The following SAFB2 variants were observed in gnomAD, a reference collection of about 807,000 sequenced individuals.
SAFB2 encodes scaffold attachment factor B2.
SAFB2 carries 32 observed loss-of-function variants against 100.6 expected under a neutral mutation model. The observed-to-expected ratio is 0.32, with a 90% CI of 0.24 to 0.43. SAFB2 has a LOEUF of 0.43. Ranked by LOEUF, SAFB2 falls within the 20% of genes least tolerant of loss-of-function variation. The probability of loss-of-function intolerance (pLI) is 1.00; values close to 1 mark genes in which losing one functional copy is unlikely to be tolerated. For missense variants in SAFB2, 1,185 were observed against 1,163.4 expected, an observed-to-expected ratio of 1.02 and a Z score of -0.27; for synonymous variants, 500 against 439.4, an observed-to-expected ratio of 1.14 and a Z score of -1.72.
chr19:5,596,743 A>G (rs1254511944), intron 13 of SAFB2, among the ~76,000 whole-genome samples: 2 of 152,120 alleles, frequency 1.3e-5, no homozygotes, highest in Non-Finnish European at 2.9e-5. Flanking sequence ...CTGGCTACAC[A>G]TCAGACCCTC....
At chr19:5,593,726 G>C (rs2052467086) in intron 15 of SAFB2, 165 bp downstream of exon 15, 2 of 683,606 alleles carry the variant, frequency 2.9e-6, no homozygotes, top group Non-Finnish European at 4.5e-6. Flanking sequence ...TAATAAACCT[G>C]CAGCAGCGCA....
At chr19:5,617,149 A>G in intron 2 of SAFB2, among the ~76,000 whole-genome samples, 1 of 152,230 alleles carries the variant, frequency 6.6e-6, no homozygotes, top group South Asian at 2.1e-4. Context: ...AAAAAAATGC[A>G]ATACCCATCT....
rs765971328 is a variant in SAFB2, at chr19:5,587,880, C to T, written c.2626G>A (p.Ala876Thr). 1.2e-6 allele frequency: 2 copies of T among 1,611,022 alleles called. No homozygotes were observed. Among genetic ancestry groups the T allele is most frequent in the South Asian group, 1.1e-5 (1 of 90,554 alleles). ...GCCAGCCCCGTACCTTGCCACCTGG[C>T]GTGCTCCCGGCTAGCCGCGCCTGCG... ...MDAGAASREH[A>T]RWQGGERGLS... The change falls in exon 19 of 21, where the codon GCC (alanine) becomes ACC (threonine). Residue 876 changes from alanine to threonine, a missense_variant. This residue lies in a region of SAFB2 where 740 missense variants were observed against 687.1 expected (regional missense o/e 1.08). Coordinates refer to ENST00000252542, the MANE Select transcript of SAFB2 (RefSeq NM_014649.3). This position sits in a 1 kb window ranked among gnomAD's most constrained non-coding sequence, Gnocchi z 4.9.
chr19:5,603,428 C>G (rs1458651252), intron 11 of SAFB2, among the ~76,000 whole-genome samples: 1 of 152,204 alleles, frequency 6.6e-6, no homozygotes, highest in African/African-American at 2.4e-5. Flanking sequence ...GACACTCAGC[C>G]TTCTGAGACA....
At chr19:5,601,197 T>C (rs892169949) in intron 11 of SAFB2, among the ~76,000 whole-genome samples, 2 of 152,096 alleles carry the variant, frequency 1.3e-5, no homozygotes, top group Non-Finnish European at 2.9e-5. Flanking sequence ...ATACACACCA[T>C]AGTAATTAAT....
chr19:5,595,206 G>A (rs750512815), intron 14 of SAFB2, among the ~76,000 whole-genome samples, 155 bp downstream of exon 14: 3 of 152,038 alleles, frequency 2.0e-5, no homozygotes, highest in Non-Finnish European at 4.4e-5. Context: ...AACAGGTGCT[G>A]GCCCCTGCCT....
At chr19:5,596,961 T>C (rs540713456) in intron 13 of SAFB2, among the ~76,000 whole-genome samples, 2 of 152,096 alleles carry the variant, frequency 1.3e-5, no homozygotes, top group Non-Finnish European at 2.9e-5. Flanking sequence ...ATTACACCAA[T>C]TATTAATAAA....
chr19:5,600,065 G>T, intron 12 of SAFB2, 65 bp downstream of exon 12: 1 of 1,541,350 alleles, frequency 6.5e-7, no homozygotes, highest in Non-Finnish European at 8.8e-7. Flanking sequence ...ACCTTCCCTC[G>T]GAACCCCCAC....
chr19:5,610,963 T>C (rs1161057463), intron 7 of SAFB2, 157 bp downstream of exon 7: 9 of 579,578 alleles, frequency 1.6e-5, no homozygotes, highest in Admixed American at 3.6e-5. Context: ...GAATCACCCA[T>C]TAAAAACACA....
At chr19:5,609,276 T>C (rs2052850262) in intron 9 of SAFB2, among the ~76,000 whole-genome samples, 1 of 151,198 alleles carries the variant, frequency 6.6e-6, no homozygotes, top group Non-Finnish European at 1.5e-5. Flanking sequence ...CTAAATGATA[T>C]GAAAGTCAAT....
At position 5,587,772 on chromosome 19, in the gene SAFB2, A is replaced by T; in HGVS notation, c.2639-5T>A. 6.4e-7 allele frequency: 1 copy of T among 1,552,912 alleles called. No homozygotes were observed. ...CAGACAGGCCCCTCTCGCCACCTAGAAGAGAAGAAGGGTCTGCAAACACTC... is the reference window on the plus strand; with the variant it reads ...CAGACAGGCCCCTCTCGCCACCTAGTAGAGAAGAAGGGTCTGCAAACACTC... On this transcript the variant is annotated splice_region_variant and splice_polypyrimidine_tract_variant and intron_variant, in intron 19 of 20. Coordinates refer to ENST00000252542, the MANE Select transcript of SAFB2 (RefSeq NM_014649.3). The surrounding 1 kb of genome is among the most constrained non-coding windows in gnomAD (Gnocchi z 4.9).
rs1320752666 is a variant in SAFB2, at chr19:5,593,934, C to G, written c.2164G>C (p.Glu722Gln). ...CTCCGCCCGGGCCGCCGCTCCTGCT[C>G]GTAACGCAGCTGCTCCTGCTGGCGC... ...LRRQQEQLRY[E>Q]QERRPGRRPY... Residue 722 changes from glutamate to glutamine, a missense_variant, in exon 15 of 21, where the codon GAG becomes CAG. Physicochemically the swap from Glu to Gln is conservative, Grantham distance 29. This residue lies in a region of SAFB2 where 740 missense variants were observed against 687.1 expected (regional missense o/e 1.08). Coordinates refer to ENST00000252542, the MANE Select transcript of SAFB2 (RefSeq NM_014649.3). The G allele has an allele frequency of 2.6e-6, 4 of 1,550,440 alleles. No homozygotes were observed. Among genetic ancestry groups the G allele is most frequent in the African/African-American group, 1.4e-5 (1 of 72,474 alleles).
At chr19:5,597,158 C>T (rs558023688) in intron 13 of SAFB2, among the ~76,000 whole-genome samples, 1 of 152,302 alleles carries the variant, frequency 6.6e-6, no homozygotes. Context: ...GCACGGGACT[C>T]CTGGGTTCTC....
At chr19:5,588,871 C>T (rs1192309170) in intron 18 of SAFB2, 3 of 152,266 alleles carry the variant, frequency 2.0e-5, no homozygotes, top group African/African-American at 4.8e-5. Context: ...GTGAACTATA[C>T]TTAAAGAAAG....
At chr19:5,593,741 G>C in intron 15 of SAFB2, 150 bp downstream of exon 15, 2 of 797,188 alleles carry the variant, frequency 2.5e-6, no homozygotes, top group South Asian at 2.3e-5. Context: ...AGCGCAGTGA[G>C]ATCGGCGGGG....
Position 5,598,873 on chromosome 19 carries a change from T to C in SAFB2, c.1702A>G (p.Met568Val). ...SRVTKSGSRG[M>V]ERTVVMDKSK... ...TTATCCATCACGACCGTCCGCTCCA[T>C]TCCTCTGCTTCCTTCAGGAAAAAAC... The change falls in exon 13 of 21, where the codon ATG becomes GTG. Residue 568 changes from methionine to valine, a missense_variant. Around this residue, in one of 3 missense-constraint regions of SAFB2, gnomAD observed 740 missense variants for 687.1 expected, o/e 1.08. Transcript: ENST00000252542. The C allele has an allele frequency of 6.2e-7, 1 of 1,614,080 alleles. No homozygotes were observed. The highest frequency in any genetic ancestry group is 1.1e-5 in the South Asian group (1 of 91,082).
Position 5,616,141 on chromosome 19 carries a change from T to C in SAFB2, c.534A>G (p.Pro178=), listed in dbSNP as rs764600611. 1.9e-6 allele frequency: 3 copies of C among 1,614,000 alleles called. No individual in the cohort carries two copies. The highest frequency in any genetic ancestry group is 2.5e-6 in the Non-Finnish European group (3 of 1,180,016). The change falls in exon 4 of 21, where the codon CCA becomes CCG. Residue 178 remains proline (P), a synonymous_variant. Transcript: ENST00000252542. ...TCTCCAAGTTACCTACAGCATGCTC[T>C]GGGGGCTGAGCCGGGAGCTGTCTCA... is the stretch of plus-strand genomic sequence containing the variant. ...AQLRQLPAQP[P]EHAVDGEGFK...
Position 5,587,426 on chromosome 19 carries a change from TC to T in SAFB2, c.2706-28del, listed in dbSNP as rs1270123030. The T allele has an allele frequency of 1.9e-6, 3 of 1,592,464 alleles. No homozygotes were observed. In the African/African-American group the frequency reaches 4.0e-5, roughly 21 times the overall value. On this transcript the variant is annotated intron_variant, in intron 20 of 20. Coordinates refer to ENST00000252542, the MANE Select transcript of SAFB2 (RefSeq NM_014649.3). This position sits in a 1 kb window ranked among gnomAD's most constrained non-coding sequence, Gnocchi z 4.9. ...TAGGAACAAAGTCAGACAATTTTTT[TC>T]CCCTTGAAGTGCTCAGCGTTTTCAT...
At chr19:5,593,856 G>A (rs2052471933) in intron 15 of SAFB2, 35 bp downstream of exon 15, 1 of 1,424,300 alleles carries the variant, frequency 7.0e-7, no homozygotes, top group Non-Finnish European at 9.1e-7. Flanking sequence ...TGCCACGCTG[G>A]TCTCCGTCCT....
Sources: allele counts gnomAD v4.1 joint callset (sites outside exome capture counted in the v4.1 genomes callset), GRCh38; gene constraint gnomAD v4.1.1; regional missense constraint gnomAD v4.1.1; non-coding constraint Gnocchi (gnomAD v3.1); transcripts MANE v1.5; gene names NCBI Gene and HGNC (gene_info 2026-07-23, HGNC 2026-07-21).